RPS6KA2: variants seen among roughly 807,000 people sequenced by gnomAD.
RPS6KA2 encodes ribosomal protein S6 kinase alpha-2.
A neutral mutation model predicts 91.8 loss-of-function variants in RPS6KA2; 42 were observed. The observed-to-expected ratio is 0.46, with a 90% confidence interval of 0.36 to 0.59. The LOEUF is 0.59. Among genes scored for constraint, RPS6KA2 ranks in the 20% least tolerant of loss-of-function variants. The probability of loss-of-function intolerance (pLI) is 0.00; values close to 1 mark genes in which losing one functional copy is unlikely to be tolerated. For synonymous variants in RPS6KA2, 414 were observed against 393.6 expected (o/e 1.05, Z -0.61); for missense variants, 798 against 978.5 (o/e 0.82, Z 2.46).
At chr6:166,439,745 G>C (rs566722305) in intron 14 of RPS6KA2, 1 of 152,236 alleles carries the variant, frequency 6.6e-6, no homozygotes, top group Non-Finnish European at 1.5e-5. Context: ...TGTGTTCTCT[G>C]GTTGGTCCTG....
chr6:166,661,100 T>TTTTCTTTTTTCTTTTC (rs1788150816), intron 2 of RPS6KA2, among the ~76,000 whole-genome samples: 1 of 152,040 alleles, frequency 6.6e-6, no homozygotes, highest in Non-Finnish European at 1.5e-5. Context: ...GCCAAAATCT[T>TTTTCTTTTTTCTTTTC]TTTCTTTTTG....
intron 1 of RPS6KA2, among the ~76,000 whole-genome samples, chr6:166,577,714 A>G (rs187704605): frequency 6.6e-6 from 1 of 152,232 alleles, no homozygotes; most frequent in African/African-American, 2.4e-5. Flanking sequence ...TGAACTGTGG[A>G]CTTTTGGGTT....
chr6:166,531,695 G>C (rs1470310063), intron 2 of RPS6KA2, among the ~76,000 whole-genome samples: 1 of 152,082 alleles, frequency 6.6e-6, no homozygotes. Flanking sequence ...CACGCTGAAA[G>C]GTATTACCAA....
In RPS6KA2 at chr6:166,500,023, A is replaced by C. The variant is rs1781968745; in HGVS notation, c.604+864T>G. ...GCAAGGGTCTTCAGGTTAGGAAGGG[A>C]GGCAAGATGCAGTCAGAGAGCTTGG... On this transcript the variant is annotated intron_variant, in intron 7 of 20. Transcript: ENST00000265678. This position sits in a 1 kb window ranked among gnomAD's most constrained non-coding sequence, Gnocchi z 4.3. 3.3e-5 allele frequency among the ~76,000 whole-genome samples: 5 copies of C among 152,194 alleles called. No homozygotes were observed. Among genetic ancestry groups the C allele is most frequent in the Admixed American group, 3.3e-4 (5 of 15,276 alleles).
intron 1 of RPS6KA2, among the ~76,000 whole-genome samples, chr6:166,589,753 A>G (rs1298638595): frequency 6.6e-6 from 1 of 152,244 alleles, no homozygotes; most frequent in Non-Finnish European, 1.5e-5. Context: ...TCAGTCTTAC[A>G]GAAGACTCTC....
intron 1 of RPS6KA2, among the ~76,000 whole-genome samples, chr6:166,548,282 C>G (rs1783891950): frequency 6.6e-6 from 1 of 152,200 alleles, no homozygotes; most frequent in African/African-American, 2.4e-5. Context: ...TAAGTGTTCA[C>G]AAATGCACCT....
At chr6:166,584,568 A>G (rs1207667305) in intron 1 of RPS6KA2, among the ~76,000 whole-genome samples, 2 of 152,250 alleles carry the variant, frequency 1.3e-5, no homozygotes, top group Non-Finnish European at 2.9e-5. Context: ...CACAATTAAT[A>G]AATGAAAAAT....
At chr6:166,634,219 G>T (rs1457956921) in intron 2 of RPS6KA2, among the ~76,000 whole-genome samples, 5 of 152,228 alleles carry the variant, frequency 3.3e-5, no homozygotes, top group African/African-American at 1.2e-4. Context: ...TGACAGTCTT[G>T]TGGGGCAGGA....
chr6:166,788,575 C>G (rs1258746024), intron 2 of RPS6KA2, among the ~76,000 whole-genome samples: 1 of 152,144 alleles, frequency 6.6e-6, no homozygotes, highest in African/African-American at 2.4e-5. Context: ...CCTCAACAAA[C>G]TAACACAGAA....
chr6:166,655,785 C>T (rs954016606), intron 2 of RPS6KA2, among the ~76,000 whole-genome samples: 5 of 152,170 alleles, frequency 3.3e-5, no homozygotes, highest in Admixed American at 6.5e-5. Context: ...TGTGAACGGG[C>T]GCCACCAGTT....
intron 2 of RPS6KA2, among the ~76,000 whole-genome samples, chr6:166,694,474 A>C (rs920244595): frequency 3.9e-5 from 6 of 152,234 alleles, no homozygotes; most frequent in African/African-American, 1.4e-4. Flanking sequence ...AGAGATTTCT[A>C]GTAACGTCCA....
At chr6:166,645,479 C>T (rs111399673) in intron 2 of RPS6KA2, among the ~76,000 whole-genome samples, 162 of 152,300 alleles carry the variant, frequency 1.1e-3, no homozygotes, top group Non-Finnish European at 1.7e-3. Context: ...CAGTCACAAA[C>T]TCTCCACCTC....
At chr6:166,566,189 G>A (rs1255157679) in intron 1 of RPS6KA2, among the ~76,000 whole-genome samples, 1 of 152,212 alleles carries the variant, frequency 6.6e-6, no homozygotes, top group East Asian at 1.9e-4. Flanking sequence ...GGCCTTGGCT[G>A]GGCGCAGGCT....
intron 1 of RPS6KA2, among the ~76,000 whole-genome samples, chr6:166,622,139 C>A (rs1583336769): frequency 6.6e-6 from 1 of 152,136 alleles, no homozygotes; most frequent in African/African-American, 2.4e-5. Context: ...ACAGTCAGCA[C>A]GTGGGTTTAC....
At chr6:166,610,013 C>G (rs958096716) in intron 1 of RPS6KA2, among the ~76,000 whole-genome samples, 1 of 152,150 alleles carries the variant, frequency 6.6e-6, no homozygotes, top group Non-Finnish European at 1.5e-5. Context: ...CTCATTTTCT[C>G]ATCTTGATTT....
intron 2 of RPS6KA2, among the ~76,000 whole-genome samples, chr6:166,699,735 C>T (rs1329245008): frequency 1.3e-5 from 2 of 152,128 alleles, no homozygotes; most frequent in Admixed American, 6.5e-5. Flanking sequence ...CACAGTCATT[C>T]GAATTATATC....
Position 166,800,893 on chromosome 6 carries a change from T to C in RPS6KA2, c.123+57307A>G, listed in dbSNP as rs1239107224. Among the ~76,000 whole-genome samples, 8 of 152,278 alleles carry C rather than the reference T, an allele frequency of 5.3e-5. No individual in the cohort carries two copies. The East Asian group carries it at 1.5e-3, about 29-fold the overall frequency. Reference sequence around the variant, plus strand: ...TTGCAAAGAAAATTTATATGTAAAATAACTGAAACAGGACTCCTCATTTCA... The same window carrying C: ...TTGCAAAGAAAATTTATATGTAAAACAACTGAAACAGGACTCCTCATTTCA... On this transcript the variant is annotated intron_variant, in intron 2 of 21. Coordinates refer to the RPS6KA2 transcript ENST00000503859.
intron 11 of RPS6KA2, among the ~76,000 whole-genome samples, chr6:166,462,084 C>T (rs1414573160): frequency 6.6e-6 from 1 of 152,260 alleles, no homozygotes; most frequent in Non-Finnish European, 1.5e-5. Flanking sequence ...CAGGTGCCAC[C>T]CAGGGTGAAG....
At chr6:166,780,823 G>C (rs1244373525) in intron 2 of RPS6KA2, among the ~76,000 whole-genome samples, 7 of 152,204 alleles carry the variant, frequency 4.6e-5, no homozygotes, top group Non-Finnish European at 1.0e-4. Context: ...TTGCAAGTCA[G>C]CCTGGTTGGA....
Sources: allele counts gnomAD v4.1 joint callset (sites outside exome capture counted in the v4.1 genomes callset), GRCh38; gene constraint gnomAD v4.1.1; non-coding constraint Gnocchi (gnomAD v3.1); transcripts MANE v1.5; gene names NCBI Gene and HGNC (gene_info 2026-07-23, HGNC 2026-07-21).